The following PCDHGB5 variants were observed in gnomAD, a reference collection of about 807,000 sequenced individuals.
PCDHGB5 encodes protocadherin gamma subfamily B, 5, also known as protocadherin gamma-B5.
In PCDHGB5, 48 loss-of-function variants were observed where a neutral mutation model predicts 62.9. The ratio of observed to expected loss-of-function variants is 0.76; its 90% CI spans 0.61 to 0.97. The LOEUF (loss-of-function observed/expected upper bound fraction) is 0.97. Among genes scored for constraint, PCDHGB5 ranks in the 50% least tolerant of loss-of-function variants. PCDHGB5 has a pLI of 0.00. For missense variants in PCDHGB5, 1,118 were observed against 1,198.6 expected (o/e 0.93, Z 0.99); for synonymous variants, 474 against 511.2 (o/e 0.93, Z 0.98).
At position 141,431,776 on chromosome 5, in the gene PCDHGB5, C is replaced by A; in HGVS notation, c.2397+31252C>A. Reference sequence around the variant, plus strand: ...CCAAAGTCCTGATCACTGTTCTGGACGTGAACGACAATGCCCCAGAAGTGG... The same window carrying A: ...CCAAAGTCCTGATCACTGTTCTGGAAGTGAACGACAATGCCCCAGAAGTGG... On this transcript the variant is annotated intron_variant, in intron 1 of 3. Coordinates refer to ENST00000617380, the MANE Select transcript of PCDHGB5 (RefSeq NM_018925.3). The surrounding 1 kb of genome is among the most constrained non-coding windows in gnomAD (Gnocchi z 4.8). The A allele has an allele frequency of 6.2e-7, 1 of 1,614,228 alleles. No homozygotes were observed. The highest frequency in any genetic ancestry group is 8.5e-7 in the Non-Finnish European group (1 of 1,180,044).
intron 1 of PCDHGB5, among the ~76,000 whole-genome samples, chr5:141,437,923 A>G (rs893873818): frequency 2.0e-5 from 3 of 152,110 alleles, no homozygotes; most frequent in African/African-American, 7.2e-5. Context: ...TTTTTAGTAG[A>G]GATGGGGTTT....
intron 1 of PCDHGB5, among the ~76,000 whole-genome samples, chr5:141,444,275 G>A (rs1427489988): frequency 7.1e-6 from 1 of 141,698 alleles, no homozygotes; most frequent in Non-Finnish European, 1.5e-5. Flanking sequence ...AGGTTCAAGT[G>A]ATTCTCCTGC....
At position 141,477,681 on chromosome 5, in the gene PCDHGB5, T is replaced by C; in HGVS notation, c.2398-17126T>C. On this transcript the variant is annotated intron_variant, in intron 1 of 3. Coordinates refer to ENST00000617380, the MANE Select transcript of PCDHGB5 (RefSeq NM_018925.3). The surrounding 1 kb of genome is among the most constrained non-coding windows in gnomAD (Gnocchi z 4.9). The stretch of plus-strand genomic sequence containing the variant: ...CGTGACAATGGCATAGTGTCATCCT[T>C]AGTGCCCCTAGACTATGAGGATCGG... 6.2e-7 allele frequency: 1 copy of C among 1,614,180 alleles called. No individual in the cohort carries two copies. The highest frequency in any genetic ancestry group is 8.5e-7 in the Non-Finnish European group (1 of 1,180,046).
chr5:141,431,904 T>A lies in PCDHGB5; in HGVS notation c.2397+31380T>A. On this transcript the variant is annotated intron_variant, in intron 1 of 3. Transcript: ENST00000617380. The surrounding 1 kb of genome is among the most constrained non-coding windows in gnomAD (Gnocchi z 4.8). ...CAAGATTCTGAGGAAAACGGACAGG[T>A]GATCTGTTTCATCCAAGGAAATCTG... is the stretch of plus-strand genomic sequence containing the variant. 1 of 1,613,846 alleles carries A rather than the reference T, an allele frequency of 6.2e-7. No individual in the cohort carries two copies. Among genetic ancestry groups the A allele is most frequent in the Non-Finnish European group, 8.5e-7 (1 of 1,179,708 alleles).
chr5:141,475,761 T>C (rs1430719406), intron 1 of PCDHGB5, among the ~76,000 whole-genome samples: 3 of 152,248 alleles, frequency 2.0e-5, no homozygotes, highest in Admixed American at 6.5e-5. Flanking sequence ...GCACCGATAC[T>C]GGCAAGGCGC....
chr5:141,404,485 T>C (rs780359921), intron 1 of PCDHGB5: 2 of 1,613,490 alleles, frequency 1.2e-6, no homozygotes, highest in Admixed American at 1.7e-5. Context: ...ACTCAGACAC[T>C]GGTGTGCTGT....
At chr5:141,483,694 C>T (rs915328297) in intron 1 of PCDHGB5, among the ~76,000 whole-genome samples, 3 of 151,952 alleles carry the variant, frequency 2.0e-5, no homozygotes, top group African/African-American at 4.8e-5. Flanking sequence ...AGCCAGATTC[C>T]TCTTTTTGAC....
chr5:141,433,001 G>A (rs1361701281), intron 1 of PCDHGB5: 39 of 1,614,156 alleles, frequency 2.4e-5, no homozygotes, highest in Non-Finnish European at 3.1e-5. Context: ...CGGGGTGCAG[G>A]CTTTCCTGCA....
At chr5:141,415,475 C>T in intron 1 of PCDHGB5, 1 of 1,614,162 alleles carries the variant, frequency 6.2e-7, no homozygotes, top group Non-Finnish European at 8.5e-7. Flanking sequence ...ACCGCGGACT[C>T]GCGAAAGAGT....
chr5:141,461,196 T>C (rs1398352067), intron 1 of PCDHGB5, among the ~76,000 whole-genome samples: 3 of 152,128 alleles, frequency 2.0e-5, no homozygotes. Context: ...TGTTTTTTGC[T>C]CTTTAGAGAA....
At chr5:141,430,918 G>T (rs766412276) in intron 1 of PCDHGB5, 2 of 1,607,866 alleles carry the variant, frequency 1.2e-6, no homozygotes, top group South Asian at 2.2e-5. Context: ...GGGACCTGGG[G>T]CTGGAGCCCC....
At chr5:141,415,416 G>C (rs747598923) in intron 1 of PCDHGB5, 3 of 1,614,220 alleles carry the variant, frequency 1.9e-6, no homozygotes, top group Non-Finnish European at 2.5e-6. Flanking sequence ...TTGTGGGCGT[G>C]GACGGGGTTC....
At chr5:141,495,984 ATC>A (rs2099765081) in intron 2 of PCDHGB5, among the ~76,000 whole-genome samples, 1 of 149,246 alleles carries the variant, frequency 6.7e-6, no homozygotes, top group East Asian at 2.0e-4. Context: ...CTCTTTCTTT[ATC>A]TCTCTTTTTC....
chr5:141,453,387 G>A (rs1313174494), intron 1 of PCDHGB5, among the ~76,000 whole-genome samples: 1 of 151,936 alleles, frequency 6.6e-6, no homozygotes, highest in Non-Finnish European at 1.5e-5. Flanking sequence ...TCCTGCCTTA[G>A]CCTCCAAGTG....
chr5:141,477,737 G>T lies in PCDHGB5; in HGVS notation c.2398-17070G>T, dbSNP rs1178108717. 1.2e-6 allele frequency: 2 copies of T among 1,613,846 alleles called. No homozygotes were observed. Among genetic ancestry groups the T allele is most frequent in the South Asian group, 1.1e-5 (1 of 91,088 alleles). ...ATTTGAATTAACAGCTCATATCAGC[G>T]ATGGGGGCACCCCGGTCCTAGCCAC... On this transcript the variant is annotated intron_variant, in intron 1 of 3. Coordinates refer to ENST00000617380, the MANE Select transcript of PCDHGB5 (RefSeq NM_018925.3). This position sits in a 1 kb window ranked among gnomAD's most constrained non-coding sequence, Gnocchi z 4.9.
intron 1 of PCDHGB5, among the ~76,000 whole-genome samples, chr5:141,447,082 T>A (rs1259827606): frequency 6.6e-6 from 1 of 152,156 alleles, no homozygotes; most frequent in Non-Finnish European, 1.5e-5. Flanking sequence ...ATTTTTGTTG[T>A]TTAATTTTCT....
intron 1 of PCDHGB5, chr5:141,427,212 C>T (rs2097000434): frequency 4.4e-6 from 2 of 456,702 alleles, no homozygotes; most frequent in Non-Finnish European, 8.8e-6. Flanking sequence ...CTTCGAATTT[C>T]GTAGCAGTTA....
At chr5:141,438,896 CCT>C (rs886177991) in intron 1 of PCDHGB5, among the ~76,000 whole-genome samples, 30 of 151,820 alleles carry the variant, frequency 2.0e-4, no homozygotes, top group Non-Finnish European at 7.4e-5. Context: ...GAACTCCTGA[CCT>C]CAGGTGATCC....
Position 141,491,590 on chromosome 5 carries a change from G to A in PCDHGB5, c.2398-3217G>A, listed in dbSNP as rs376104513. ...GACGTGCTTTTCACCGGCCTCGGAC[G>A]GCAGTGACTTCACTTTTCTAAGACC... On this transcript the variant is annotated intron_variant, in intron 1 of 3. Transcript: ENST00000617380. The surrounding 1 kb of genome is among the most constrained non-coding windows in gnomAD (Gnocchi z 6.9). 15 of 1,613,828 alleles carry A rather than the reference G, an allele frequency of 9.3e-6. No homozygotes were observed. In the African/African-American group the frequency reaches 2.0e-4, roughly 22 times the overall value.
Sources: gnomAD v4.1 joint callset for allele counts (sites outside exome capture counted in the v4.1 genomes callset) on GRCh38, gnomAD v4.1.1 for gene constraint, Gnocchi (gnomAD v3.1) non-coding constraint, MANE v1.5 for transcripts, NCBI Gene and HGNC (gene_info 2026-07-23, HGNC 2026-07-21) for gene names.